ATRN: variants seen among roughly 807,000 people sequenced by gnomAD.
The protein encoded by ATRN is attractin-2.
ATRN carries 54 observed loss-of-function variants against 178.7 expected under a neutral mutation model. The ratio of observed to expected loss-of-function variants is 0.30; its 90% CI spans 0.24 to 0.38. The LOEUF is 0.38. Among genes scored for constraint, ATRN ranks in the 10% least tolerant of loss-of-function variants. The pLI, the probability that ATRN is intolerant of heterozygous loss-of-function variation, is 1.00. For synonymous variants in ATRN, 636 were observed against 663.0 expected (o/e 0.96, Z 0.63); for missense variants, 1,443 against 1,815.1 (o/e 0.79, Z 3.73).
At chr20:3,485,168 G>GT (rs2084673369) in intron 1 of ATRN, among the ~76,000 whole-genome samples, 1 of 151,990 alleles carries the variant, frequency 6.6e-6, no homozygotes, top group Non-Finnish European at 1.5e-5. Flanking sequence ...TTATTTCCTC[G>GT]TATTTTGAAT....
At chr20:3,536,327 G>A (rs1365432319) in intron 2 of ATRN, among the ~76,000 whole-genome samples, 25 of 152,114 alleles carry the variant, frequency 1.6e-4, no homozygotes. Flanking sequence ...TCCTGCCTCA[G>A]CCTTCCAAGT....
chr20:3,604,080 C>T (rs1439309130), intron 23 of ATRN, 25 bp from the exon 24 acceptor site: 1 of 1,554,262 alleles, frequency 6.4e-7, no homozygotes. Flanking sequence ...AATGTCTCTT[C>T]TCTTTCATGT....
At chr20:3,555,236 C>A (rs1454220280) in intron 6 of ATRN, among the ~76,000 whole-genome samples, 1 of 151,906 alleles carries the variant, frequency 6.6e-6, no homozygotes, top group East Asian at 1.9e-4. Context: ...ATCTCCTGAC[C>A]TCGTGATCCA....
At chr20:3,607,471 A>G (rs1207864655) in intron 24 of ATRN, among the ~76,000 whole-genome samples, 2 of 152,198 alleles carry the variant, frequency 1.3e-5, no homozygotes, top group Non-Finnish European at 2.9e-5. Flanking sequence ...GTGAGAAAAC[A>G]TATCTATCTT....
In ATRN at chr20:3,526,687, A is replaced by G. The variant is rs185025969; in HGVS notation, c.411-8566A>G. Among the ~76,000 whole-genome samples, 654 of 152,276 alleles carry G rather than the reference A, an allele frequency of 4.3e-3. 5 individuals are homozygous for G. Among genetic ancestry groups the G allele is most frequent in the African/African-American group, 0.015 (609 of 41,552 alleles). The stretch of plus-strand genomic sequence containing the variant: ...ATCTTGCTACCTGACTTCAAACTAT[A>G]CTACAAGGCTACAGTAACCAAAACA... On this transcript the variant is annotated intron_variant, in intron 1 of 28. Coordinates refer to ENST00000262919, the MANE Select transcript of ATRN (RefSeq NM_139321.3).
chr20:3,515,448 G>T (rs2085194529), intron 1 of ATRN, among the ~76,000 whole-genome samples: 1 of 152,176 alleles, frequency 6.6e-6, no homozygotes, highest in Admixed American at 6.5e-5. Context: ...AGAAGAAGCT[G>T]CCAGGGAATC....
chr20:3,521,578 A>G (rs1376067536), intron 1 of ATRN, among the ~76,000 whole-genome samples: 1 of 152,218 alleles, frequency 6.6e-6, no homozygotes. Context: ...TTTCAATATC[A>G]ATAAAACAAG....
chr20:3,472,762 G>T (rs1159269448), intron 1 of ATRN, among the ~76,000 whole-genome samples: 1 of 152,184 alleles, frequency 6.6e-6, no homozygotes, highest in Non-Finnish European at 1.5e-5. Context: ...TGAGGAGGCG[G>T]TAACATTGGA....
intron 22 of ATRN, among the ~76,000 whole-genome samples, chr20:3,600,589 T>C (rs2086595009): frequency 6.6e-6 from 1 of 152,138 alleles, no homozygotes; most frequent in Non-Finnish European, 1.5e-5. Context: ...CTTCAGACAT[T>C]TGAAAACAGC....
At chr20:3,542,396 T>C (rs1421251828) in intron 3 of ATRN, among the ~76,000 whole-genome samples, 1 of 152,092 alleles carries the variant, frequency 6.6e-6, no homozygotes. Context: ...ACTGTGTATT[T>C]GATAAACAGT....
rs188036970 is a variant in ATRN, at chr20:3,480,290, G to T, written c.410+8773G>T. On this transcript the variant is annotated intron_variant, in intron 1 of 28. Transcript: ENST00000262919. ...CAGAGTGAATCTCAGGACTTTTGTC[G>T]GAGATCCCTTTCCTCTGTGGGCGTT... Among the ~76,000 whole-genome samples, 4 of 152,234 alleles carry T rather than the reference G, an allele frequency of 2.6e-5. No individual in the cohort carries two copies. In the East Asian group the frequency reaches 5.8e-4, roughly 22 times the overall value.
rs2087040849 is a variant in ATRN at position 3,638,277 on chromosome 20, TC to T, written c.3943-547del. 6.6e-6 allele frequency among the ~76,000 whole-genome samples: 1 copy of T among 151,966 alleles called. No individual in the cohort carries two copies. Among genetic ancestry groups the T allele is most frequent in the Non-Finnish European group, 1.5e-5 (1 of 67,984 alleles). On this transcript the variant is annotated intron_variant, in intron 26 of 28. Transcript: ENST00000262919. This position sits in a 1 kb window ranked among gnomAD's most constrained non-coding sequence, Gnocchi z 4.5. ...TTGGTATTTGTCCTAATGCTCTCCC[TC>T]CCCTTGCTCCCCACCCCTGACAGGC...
chr20:3,562,077 T>C (rs2085960297), intron 8 of ATRN, among the ~76,000 whole-genome samples, 199 bp from the exon 9 acceptor site: 1 of 152,198 alleles, frequency 6.6e-6, no homozygotes, highest in East Asian at 1.9e-4. Flanking sequence ...TATTAGAACA[T>C]CAGAACATAG....
intron 4 of ATRN, 54 bp downstream of exon 4, chr20:3,545,944 G>C: frequency 6.3e-7 from 1 of 1,574,830 alleles, no homozygotes. Context: ...TATCTACTAT[G>C]TTTTAACAAC....
At chr20:3,487,995 A>T (rs1460648664) in intron 1 of ATRN, among the ~76,000 whole-genome samples, 2 of 152,096 alleles carry the variant, frequency 1.3e-5, no homozygotes, top group Non-Finnish European at 2.9e-5. Flanking sequence ...CCTTTTGAGC[A>T]TTTAGATCCA....
chr20:3,545,968 A>AT, intron 4 of ATRN, 78 bp downstream of exon 4: 2 of 1,488,646 alleles, frequency 1.3e-6, no homozygotes, highest in African/African-American at 1.4e-5. Flanking sequence ...AATGGCTAAC[A>AT]TAGATTGAGA....
At chr20:3,490,122 A>G in intron 1 of ATRN, 5 of 1,479,426 alleles carry the variant, frequency 3.4e-6, no homozygotes, top group Non-Finnish European at 3.8e-6. Context: ...TTTGGCAAAC[A>G]AAGAGTTATC....
At chr20:3,544,366 G>A (rs2085667688) in intron 3 of ATRN, among the ~76,000 whole-genome samples, 1 of 152,160 alleles carries the variant, frequency 6.6e-6, no homozygotes, top group African/African-American at 2.4e-5. Flanking sequence ...TTGTATATTG[G>A]TCATCGTGTA....
chr20:3,527,669 C>T (rs1041170526), intron 1 of ATRN, among the ~76,000 whole-genome samples: 7 of 152,166 alleles, frequency 4.6e-5, no homozygotes, highest in African/African-American at 1.7e-4. Context: ...TTGGAACCAA[C>T]CCAAATGCCC....
Sources: gnomAD v4.1 joint callset for allele counts (sites outside exome capture counted in the v4.1 genomes callset) on GRCh38, gnomAD v4.1.1 for gene constraint, Gnocchi (gnomAD v3.1) non-coding constraint, MANE v1.5 for transcripts, NCBI Gene and HGNC (gene_info 2026-07-23, HGNC 2026-07-21) for gene names.